The following ARNT variants were observed in gnomAD, a reference collection of about 807,000 sequenced individuals.
ARNT encodes the protein class E basic helix-loop-helix protein 2.
ARNT carries 30 observed loss-of-function variants against 105.0 expected under a neutral mutation model. That is an observed-to-expected ratio of 0.29 (90% CI 0.21 to 0.39). The LOEUF is 0.39. Among genes scored for constraint, ARNT ranks in the 10% least tolerant of loss-of-function variants. The pLI, the probability that ARNT is intolerant of heterozygous loss-of-function variation, is 1.00. For synonymous variants in ARNT, 304 were observed against 344.0 expected (o/e 0.88, Z 1.29); for missense variants, 748 against 978.7 (o/e 0.76, Z 3.15).
intron 19 of ARNT, among the ~76,000 whole-genome samples, chr1:150,815,504 G>C (rs1391160699): frequency 1.3e-5 from 2 of 149,072 alleles, no homozygotes; most frequent in South Asian, 4.2e-4. Flanking sequence ...AGCCGAGATC[G>C]CGCCACTGCA....
At chr1:150,845,009 C>T (rs907921927) in intron 4 of ARNT, among the ~76,000 whole-genome samples, 3 of 151,994 alleles carry the variant, frequency 2.0e-5, no homozygotes, top group Admixed American at 6.6e-5. Flanking sequence ...GGGGTTTCAC[C>T]ATGTTGGCCA....
At chr1:150,822,948 G>A (rs757588327) in intron 14 of ARNT, among the ~76,000 whole-genome samples, 17 of 151,904 alleles carry the variant, frequency 1.1e-4, no homozygotes, top group East Asian at 1.9e-4. Flanking sequence ...ATGGAGTCTC[G>A]CTCTGTAGCC....
At chr1:150,836,170 G>C (rs917457672) in intron 7 of ARNT, 110 bp downstream of exon 7, 3 of 997,368 alleles carry the variant, frequency 3.0e-6, no homozygotes, top group African/African-American at 1.6e-5. Flanking sequence ...GAAAATTCTT[G>C]AAGCCTTGCC....
intron 1 of ARNT, among the ~76,000 whole-genome samples, chr1:150,875,326 C>T (rs1236771523): frequency 6.6e-6 from 1 of 151,828 alleles, no homozygotes; most frequent in East Asian, 1.9e-4. Context: ...ATAGCTATTC[C>T]CAGAAACACG....
Position 150,817,780 on chromosome 1 carries a change from T to C in ARNT, c.1505+140A>G, listed in dbSNP as rs1490552445. The C allele has an allele frequency of 1.8e-5, 12 of 668,966 alleles. No homozygotes were observed. In the Admixed American group the frequency reaches 3.1e-4, roughly 17 times the overall value. The allele number at this position is 668,966 out of a possible 1,614,324, so 41.4% of individuals were successfully genotyped here. On this transcript the variant is annotated intron_variant, in intron 15 of 21. Transcript: ENST00000358595. Reference sequence around the variant, plus strand: ...GCCTAGATCGTGCCATTGTATTCCATCCAGCCTGAGCAATGAGAGCAAAAC... The same window carrying C: ...GCCTAGATCGTGCCATTGTATTCCACCCAGCCTGAGCAATGAGAGCAAAAC...
At chr1:150,839,349 T>C in intron 6 of ARNT, 92 bp downstream of exon 6, 1 of 1,325,948 alleles carries the variant, frequency 7.5e-7, no homozygotes, top group Non-Finnish European at 1.1e-6. Context: ...TCTGACTTCT[T>C]CCTGAAAAGC....
chr1:150,855,712 G>A (rs1013623169), intron 2 of ARNT, among the ~76,000 whole-genome samples: 1 of 151,302 alleles, frequency 6.6e-6, no homozygotes, highest in Non-Finnish European at 1.5e-5. Flanking sequence ...GACCAGCCTG[G>A]TCAACGTAGT....
intron 3 of ARNT, among the ~76,000 whole-genome samples, chr1:150,851,361 C>T (rs1351792664): frequency 1.3e-5 from 2 of 152,202 alleles, no homozygotes; most frequent in East Asian, 3.8e-4. Flanking sequence ...GGGAGGTGTA[C>T]CCAACAGCTC....
chr1:150,814,644 C>G (rs1379915890), intron 19 of ARNT, among the ~76,000 whole-genome samples: 1 of 152,110 alleles, frequency 6.6e-6, no homozygotes, highest in African/African-American at 2.4e-5. Context: ...GAGTTCCAGA[C>G]CAGCCGGGCC....
At chr1:150,863,690 G>T (rs925734263) in intron 1 of ARNT, among the ~76,000 whole-genome samples, 1 of 151,760 alleles carries the variant, frequency 6.6e-6, no homozygotes, top group Admixed American at 6.6e-5. Flanking sequence ...ATTACCAGGC[G>T]CCTGTAATCC....
intron 19 of ARNT, 118 bp downstream of exon 19, chr1:150,816,141 C>T (rs767587574): frequency 3.9e-5 from 50 of 1,286,074 alleles, no homozygotes; most frequent in African/African-American, 3.0e-4. Flanking sequence ...AATTGGAAAC[C>T]GGAGAACAGG....
At chr1:150,850,564 T>G (rs1019770460) in intron 3 of ARNT, among the ~76,000 whole-genome samples, 8 of 152,240 alleles carry the variant, frequency 5.3e-5, no homozygotes, top group Non-Finnish European at 1.2e-4. Context: ...GATTGCAGAC[T>G]GAGTCTCGTT....
intron 4 of ARNT, among the ~76,000 whole-genome samples, chr1:150,842,671 C>A (rs919526878): frequency 5.9e-5 from 9 of 151,864 alleles, no homozygotes; most frequent in Non-Finnish European, 7.4e-5. Context: ...TAGGCAGGAA[C>A]CTTGCCTGTA....
chr1:150,864,243 A>G (rs587635403), intron 1 of ARNT, among the ~76,000 whole-genome samples: 2 of 152,266 alleles, frequency 1.3e-5, no homozygotes, highest in South Asian at 4.1e-4. Context: ...TTTCATCTCC[A>G]TTATAATCTT....
intron 14 of ARNT, among the ~76,000 whole-genome samples, chr1:150,819,861 TA>T (rs1342908835): frequency 1.3e-5 from 2 of 152,194 alleles, no homozygotes; most frequent in African/African-American, 2.4e-5. Flanking sequence ...AAGAGTTACA[TA>T]ACTATGTGAT....
At chr1:150,868,917 T>TA (rs199637995) in intron 1 of ARNT, among the ~76,000 whole-genome samples, 95 of 140,424 alleles carry the variant, frequency 6.8e-4, no homozygotes, top group African/African-American at 2.3e-3. Context: ...TAATAAAATT[T>TA]AAAAAAAAAA....
chr1:150,829,099 C>G lies in ARNT; in HGVS notation c.1161G>C (p.Gln387His), dbSNP rs768058132. 1 of 1,614,010 alleles carries G rather than the reference C, an allele frequency of 6.2e-7. No individual in the cohort carries two copies. The highest frequency in any genetic ancestry group is 1.1e-5 in the South Asian group (1 of 91,054). ...TGGAGCTCCAGCTCCTCACCTGTGGCTGGTAGCCAACAGTAGCCACACAGC... is the reference window on the plus strand; with the variant it reads ...TGGAGCTCCAGCTCCTCACCTGTGGGTGGTAGCCAACAGTAGCCACACAGC... Reference protein sequence around the residue: ...DHRCVATVGYQPQELLGKNIV... With the variant: ...DHRCVATVGYHPQELLGKNIV... The change falls in exon 12 of 22, where the codon CAG becomes CAC. Residue 387 changes from glutamine (Q) to histidine (H), a missense_variant. Transcript: ENST00000358595.
chr1:150,814,041 G>T (rs772458027), intron 20 of ARNT, 36 bp downstream of exon 20: 2 of 1,608,616 alleles, frequency 1.2e-6, no homozygotes, highest in East Asian at 4.5e-5. Flanking sequence ...TTAGTGGTGC[G>T]ATTTTCCTGT....
chr1:150,818,077 G>A (rs759471197), intron 14 of ARNT, 47 bp from the exon 15 acceptor site: 3 of 1,287,234 alleles, frequency 2.3e-6, no homozygotes, highest in Non-Finnish European at 3.3e-6. Flanking sequence ...GAGGGAGGAA[G>A]GGGGGAGAGA....
Sources: allele counts gnomAD v4.1 joint callset (sites outside exome capture counted in the v4.1 genomes callset), GRCh38; gene constraint gnomAD v4.1.1; transcripts MANE v1.5; gene names NCBI Gene and HGNC (gene_info 2026-07-23, HGNC 2026-07-21).